ARHGEF12: variants seen among roughly 807,000 people sequenced by gnomAD.
The protein encoded by ARHGEF12 is KMT2A/ARHGEF12 fusion protein.
ARHGEF12 carries 66 observed loss-of-function variants against 211.2 expected under a neutral mutation model. The observed-to-expected ratio is 0.31, with a 90% CI of 0.26 to 0.38. The LOEUF is 0.38. Among genes scored for constraint, ARHGEF12 ranks in the 10% least tolerant of loss-of-function variants. The pLI is 1.00. For missense variants in ARHGEF12, 1,429 were observed against 1,869.5 expected, an observed-to-expected ratio of 0.76 and a Z score of 4.34; for synonymous variants, 592 against 638.4, an observed-to-expected ratio of 0.93 and a Z score of 1.09.
intron 30 of ARHGEF12, among the ~76,000 whole-genome samples, chr11:120,469,589 A>G (rs1456237296): frequency 6.6e-6 from 1 of 152,208 alleles, no homozygotes; most frequent in Admixed American, 6.5e-5. Context: ...GAAACACCTC[A>G]AGCTGCTTGT....
intron 1 of ARHGEF12, among the ~76,000 whole-genome samples, chr11:120,370,903 T>G (rs1201616901): frequency 6.6e-6 from 1 of 152,148 alleles, no homozygotes; most frequent in Non-Finnish European, 1.5e-5. Flanking sequence ...CAGTTCTATT[T>G]AAGGTAGTGT....
intron 4 of ARHGEF12, among the ~76,000 whole-genome samples, chr11:120,414,993 C>T (rs1211549202): frequency 6.6e-6 from 1 of 152,114 alleles, no homozygotes; most frequent in Non-Finnish European, 1.5e-5. Flanking sequence ...TGGCATATAG[C>T]ACATATCAAA....
chr11:120,445,621 G>A (rs1296275691), intron 16 of ARHGEF12, among the ~76,000 whole-genome samples, 157 bp downstream of exon 16: 1 of 152,202 alleles, frequency 6.6e-6, no homozygotes, highest in Non-Finnish European at 1.5e-5. Context: ...AAATGAGGCC[G>A]GGCGTAGTGG....
At chr11:120,476,823 C>G in intron 34 of ARHGEF12, 75 bp downstream of exon 34, 1 of 1,238,020 alleles carries the variant, frequency 8.1e-7, no homozygotes, top group Non-Finnish European at 1.1e-6. Context: ...ATAAACTTAA[C>G]TTTGTTTTTA....
rs766606091 is a variant in ARHGEF12, at chr11:120,428,135, A to G, written c.473A>G (p.Asp158Gly). The G allele has an allele frequency of 1.5e-5, 24 of 1,608,868 alleles. No individual in the cohort carries two copies. The highest frequency in any genetic ancestry group is 1.4e-4 in the Admixed American group (8 of 59,228). Residue 158 changes from aspartate (D) to glycine (G), a missense_variant, in exon 8 of 41, where the codon GAC becomes GGC. This residue lies in a region of ARHGEF12 where 254 missense variants were observed against 286.4 expected (regional missense o/e 0.89). Transcript: ENST00000397843. ...PPGSPQIPLA[D>G]SEVEPSVIGH... The stretch of plus-strand genomic sequence containing the variant: ...GGGTCGCCCCAGATTCCACTTGCCG[A>G]CTCTGAAGTAGAGCCGTCAGTCATT...
At chr11:120,462,057 T>G (rs969002143) in intron 27 of ARHGEF12, among the ~76,000 whole-genome samples, 1 of 152,204 alleles carries the variant, frequency 6.6e-6, no homozygotes, top group Non-Finnish European at 1.5e-5. Flanking sequence ...CAAGAATTTT[T>G]TCTTTGTGTT....
Position 120,457,990 on chromosome 11 carries a change from G to A in ARHGEF12, c.2226-90G>A, listed in dbSNP as rs375111327. The A allele has an allele frequency of 8.8e-5, 126 of 1,439,454 alleles. 1 individual carries two copies. In the East Asian group the frequency reaches 9.4e-4, roughly 11 times the overall value. 89.2% of individuals were successfully genotyped at this position (1,439,454 alleles called of 1,614,324 possible). On this transcript the variant is annotated intron_variant, in intron 24 of 40. Coordinates refer to ENST00000397843, the MANE Select transcript of ARHGEF12 (RefSeq NM_015313.3). ...AGTGCTAAGTCAGATTCAGGAATCT[G>A]ATTAGAATTTATTGTAATATAAAGA...
chr11:120,401,577 T>G (rs2135548929), intron 1 of ARHGEF12, among the ~76,000 whole-genome samples: 1 of 152,338 alleles, frequency 6.6e-6, no homozygotes, highest in Middle Eastern at 3.4e-3. Context: ...ACAGGATGCC[T>G]TAATCACCTT....
intron 40 of ARHGEF12, among the ~76,000 whole-genome samples, chr11:120,484,769 G>T (rs1395882679): frequency 6.6e-6 from 1 of 152,214 alleles, no homozygotes. Context: ...AGGCAGAGCA[G>T]TGGGAAGCCT....
At chr11:120,383,735 T>C (rs1943946108) in intron 1 of ARHGEF12, among the ~76,000 whole-genome samples, 1 of 152,164 alleles carries the variant, frequency 6.6e-6, no homozygotes, top group Non-Finnish European at 1.5e-5. Context: ...CCTCCTGCTG[T>C]GTGGCCTGGT....
intron 1 of ARHGEF12, among the ~76,000 whole-genome samples, chr11:120,369,390 A>G (rs997524733): frequency 6.6e-6 from 1 of 152,100 alleles, no homozygotes; most frequent in African/African-American, 2.4e-5. Context: ...TGGCCTCCCA[A>G]AGTGCTGGGA....
chr11:120,368,812 G>A (rs1261943940), intron 1 of ARHGEF12, among the ~76,000 whole-genome samples: 1 of 152,044 alleles, frequency 6.6e-6, no homozygotes, highest in African/African-American at 2.4e-5. Context: ...GGGGTTTGTT[G>A]TACAGATTAT....
At chr11:120,447,114 C>T in intron 18 of ARHGEF12, 29 bp downstream of exon 18, 1 of 1,607,580 alleles carries the variant, frequency 6.2e-7, no homozygotes, top group South Asian at 1.1e-5. Flanking sequence ...TGTGGAAATG[C>T]CCTCTCTGCT....
rs749570909 is a variant in ARHGEF12 at position 120,441,712 on chromosome 11, T to C, written c.1098T>C (p.Asn366=). 3 of 1,613,080 alleles carry C rather than the reference T, an allele frequency of 1.9e-6. No homozygotes were observed. The highest frequency in any genetic ancestry group is 1.7e-5 in the Admixed American group (1 of 59,956). The change falls in exon 14 of 41, where the codon AAT becomes AAC. Residue 366 remains asparagine (N), a synonymous_variant. Transcript: ENST00000397843. ...ATAATCATTTCTTCCTCTAGATCAA[T>C]GGACAGTGCAGCTGTTTCCAGAGCA... ...DDFGTEHEQI[N]GQCSCFQSIE...
intron 39 of ARHGEF12, among the ~76,000 whole-genome samples, chr11:120,484,168 G>T (rs1344677067): frequency 1.3e-5 from 2 of 152,216 alleles, no homozygotes; most frequent in South Asian, 2.1e-4. Flanking sequence ...GACTCCTGGG[G>T]GTGGGAGAAT....
At chr11:120,411,248 A>G (rs770285711) in intron 4 of ARHGEF12, 1 of 152,176 alleles carries the variant, frequency 6.6e-6, no homozygotes, top group Non-Finnish European at 1.5e-5. Flanking sequence ...CTCAAAAAGC[A>G]CTCATCGGAG....
At chr11:120,482,084 C>T (rs1369723705) in intron 39 of ARHGEF12, among the ~76,000 whole-genome samples, 1 of 152,188 alleles carries the variant, frequency 6.6e-6, no homozygotes, top group African/African-American at 2.4e-5. Context: ...TTGACTATCA[C>T]AAGAGCAGAA....
chr11:120,369,684 C>T (rs1038430911), intron 1 of ARHGEF12, among the ~76,000 whole-genome samples: 2 of 152,166 alleles, frequency 1.3e-5, no homozygotes, highest in African/African-American at 4.8e-5. Context: ...AGAAGGAAAA[C>T]ACCTGAGAAG....
intron 1 of ARHGEF12, among the ~76,000 whole-genome samples, chr11:120,362,957 G>A (rs945210227): frequency 1.9e-4 from 29 of 152,066 alleles, no homozygotes; most frequent in African/African-American, 6.3e-4. Context: ...AAAATTAGCC[G>A]GGCGTGGTGG....
Sources: gnomAD v4.1 joint callset for allele counts (sites outside exome capture counted in the v4.1 genomes callset) on GRCh38, gnomAD v4.1.1 for gene constraint, gnomAD v4.1.1 regional missense constraint, MANE v1.5 for transcripts, NCBI Gene and HGNC (gene_info 2026-07-23, HGNC 2026-07-21) for gene names.